The following CTIF variants were observed in gnomAD, a reference collection of about 807,000 sequenced individuals.
CTIF encodes the protein cap binding complex dependent translation initiation factor.
A neutral mutation model predicts 66.0 loss-of-function variants in CTIF; 21 were observed. The ratio of observed to expected loss-of-function variants is 0.32; its 90% CI spans 0.23 to 0.46. CTIF has a LOEUF of 0.46. Among genes scored for constraint, CTIF ranks in the 20% least tolerant of loss-of-function variants. The probability of loss-of-function intolerance (pLI) is 1.00; values close to 1 mark genes in which losing one functional copy is unlikely to be tolerated. For synonymous variants in CTIF, 345 were observed against 326.4 expected, an observed-to-expected ratio of 1.06 and a Z score of -0.62; for missense variants, 739 against 812.7, an observed-to-expected ratio of 0.91 and a Z score of 1.10.
At chr18:48,542,730 G>A (rs41336052) in intron 1 of CTIF, among the ~76,000 whole-genome samples, 2,758 of 152,322 alleles carry the variant, frequency 0.018, 82 homozygotes, top group African/African-American at 0.061. Context: ...AGGGGCCCAA[G>A]ATGCCAGTTC....
intron 3 of CTIF, 76 bp downstream of exon 3, chr18:48,636,761 T>G: frequency 1.7e-6 from 2 of 1,167,212 alleles, no homozygotes; most frequent in South Asian, 1.9e-5. Flanking sequence ...CGGCCCACAG[T>G]GGCTCCTGAG....
At chr18:48,577,682 C>G (rs2089564911) in intron 1 of CTIF, among the ~76,000 whole-genome samples, 1 of 152,186 alleles carries the variant, frequency 6.6e-6, no homozygotes, top group Admixed American at 6.5e-5. Context: ...AAGCAATCCT[C>G]TTGCCTCAGC....
At chr18:48,714,094 T>C (rs1257187283) in intron 7 of CTIF, among the ~76,000 whole-genome samples, 9 of 152,132 alleles carry the variant, frequency 5.9e-5, no homozygotes, top group Admixed American at 2.6e-4. Flanking sequence ...TGGGAAATCG[T>C]GGGATTCTGC....
chr18:48,850,892 A>G (rs2069184729), intron 10 of CTIF, among the ~76,000 whole-genome samples: 1 of 152,210 alleles, frequency 6.6e-6, no homozygotes, highest in African/African-American at 2.4e-5. Flanking sequence ...AGGACAGGAC[A>G]TGGTCTGCAG....
chr18:48,822,588 T>C (rs1201672312), intron 10 of CTIF, among the ~76,000 whole-genome samples: 2 of 147,426 alleles, frequency 1.4e-5, no homozygotes, highest in Non-Finnish European at 3.0e-5. Flanking sequence ...TGTTTCCGTG[T>C]CTTGGCTTAT....
chr18:48,582,056 G>A (rs888522772), intron 1 of CTIF, among the ~76,000 whole-genome samples: 6 of 152,012 alleles, frequency 3.9e-5, no homozygotes, highest in African/African-American at 1.2e-4. Context: ...GACCTCCTGT[G>A]CGATTTGGTG....
intron 1 of CTIF, among the ~76,000 whole-genome samples, chr18:48,597,361 T>C (rs1300432182): frequency 6.6e-6 from 1 of 152,112 alleles, no homozygotes; most frequent in Non-Finnish European, 1.5e-5. Flanking sequence ...TGAAGGGTAG[T>C]GATATGTGTT....
intron 2 of CTIF, chr18:48,625,042 T>G (rs1047248105): frequency 1.1e-5 from 2 of 174,784 alleles, no homozygotes; most frequent in African/African-American, 4.8e-5. Flanking sequence ...TCAATGGCTT[T>G]TCCTAACAAG....
intron 10 of CTIF, among the ~76,000 whole-genome samples, chr18:48,817,791 G>A (rs1427811638): frequency 6.6e-6 from 1 of 151,814 alleles, no homozygotes; most frequent in Non-Finnish European, 1.5e-5. Flanking sequence ...AAAAAAAAGG[G>A]GGCCCATCCT....
intron 7 of CTIF, among the ~76,000 whole-genome samples, chr18:48,727,083 C>T (rs2092392912): frequency 6.7e-6 from 1 of 149,896 alleles, no homozygotes; most frequent in Middle Eastern, 3.4e-3. Flanking sequence ...CACACACACA[C>T]ACACACACAC....
intron 7 of CTIF, among the ~76,000 whole-genome samples, chr18:48,728,315 G>A (rs891542084): frequency 1.3e-5 from 2 of 152,122 alleles, no homozygotes; most frequent in African/African-American, 4.8e-5. Flanking sequence ...CCACTGCCCA[G>A]TACCAAAGCC....
chr18:48,846,412 C>G (rs184901146), intron 10 of CTIF, among the ~76,000 whole-genome samples: 1 of 152,306 alleles, frequency 6.6e-6, no homozygotes, highest in African/African-American at 2.4e-5. Flanking sequence ...TAGCATTTAA[C>G]ACACCATAGA....
At chr18:48,649,707 G>A (rs566005560) in intron 3 of CTIF, among the ~76,000 whole-genome samples, 8 of 152,286 alleles carry the variant, frequency 5.3e-5, no homozygotes, top group African/African-American at 9.6e-5. Context: ...AGTAGGGGCC[G>A]ACTGACACCT....
intron 10 of CTIF, among the ~76,000 whole-genome samples, chr18:48,830,371 C>T (rs556852326): frequency 1.3e-5 from 2 of 152,222 alleles, no homozygotes; most frequent in Non-Finnish European, 2.9e-5. Context: ...ACTATGTTGG[C>T]CAGGCTGATC....
At chr18:48,795,904 C>T (rs554858060) in intron 9 of CTIF, among the ~76,000 whole-genome samples, 2 of 152,334 alleles carry the variant, frequency 1.3e-5, no homozygotes, top group East Asian at 3.9e-4. Context: ...ACCCACAGCT[C>T]TCAGCCAGGT....
chr18:48,856,162 G>A (rs536933483), intron 10 of CTIF, among the ~76,000 whole-genome samples: 7 of 152,202 alleles, frequency 4.6e-5, no homozygotes, highest in Admixed American at 1.3e-4. Flanking sequence ...TGAGCTTCTC[G>A]GAAGCCACGC....
chr18:48,662,077 CAGAT>C (rs2091356236), intron 3 of CTIF: 1 of 152,246 alleles, frequency 6.6e-6, no homozygotes. Context: ...GTCACCCACA[CAGAT>C]AGCAAGTTCA....
chr18:48,815,992 T>C (rs1007161690), intron 9 of CTIF, among the ~76,000 whole-genome samples: 11 of 152,328 alleles, frequency 7.2e-5, no homozygotes, highest in African/African-American at 1.4e-4. Context: ...GTGTCACTCC[T>C]GTATTGGTCA....
At chr18:48,826,091 T>C (rs1237449243) in intron 10 of CTIF, 1 of 152,210 alleles carries the variant, frequency 6.6e-6, no homozygotes, top group Admixed American at 6.5e-5. Flanking sequence ...CATTCTTCCG[T>C]CTTTTGAAAC....
Sources: allele counts gnomAD v4.1 joint callset (sites outside exome capture counted in the v4.1 genomes callset), GRCh38; gene constraint gnomAD v4.1.1; transcripts MANE v1.5; gene names NCBI Gene and HGNC (gene_info 2026-07-23, HGNC 2026-07-21).